Variants in TG observed in about 807,000 individuals in gnomAD.
TG encodes thyroglobulin.
A neutral mutation model predicts 324.7 loss-of-function variants in TG; 270 were observed. The observed-to-expected ratio is 0.83, with a 90% CI of 0.75 to 0.92. The LOEUF (loss-of-function observed/expected upper bound fraction) is 0.92. Among genes scored for constraint, TG ranks in the 40% least tolerant of loss-of-function variants. The pLI, the probability that TG is intolerant of heterozygous loss-of-function variation, is 0.00. For synonymous variants in TG, 1,401 were observed against 1,327.0 expected, an observed-to-expected ratio of 1.06 and a Z score of -1.21; for missense variants, 3,591 against 3,456.4, an observed-to-expected ratio of 1.04 and a Z score of -0.98.
At chr8:132,964,862 A>T in intron 29 of TG, 1 of 700,568 alleles carries the variant, frequency 1.4e-6, no homozygotes, top group Non-Finnish European at 2.6e-6. Flanking sequence ...CAGGAGAAGG[A>T]ATGCTAGCAG....
intron 41 of TG, among the ~76,000 whole-genome samples, chr8:133,057,263 A>G (rs1015638957): frequency 6.6e-6 from 1 of 152,166 alleles, no homozygotes; most frequent in African/African-American, 2.4e-5. Flanking sequence ...TGCTCATTTT[A>G]AGGTGGAAAT....
At position 133,134,844 on chromosome 8, in the gene TG, C is replaced by T. The variant is rs762610512; in HGVS notation, c.*50C>T. 8 of 1,448,716 alleles carry T rather than the reference C, an allele frequency of 5.5e-6. No individual in the cohort carries two copies. Among genetic ancestry groups the T allele is most frequent in the Middle Eastern group, 1.7e-4 (1 of 5,774 alleles). 89.7% of individuals were successfully genotyped at this position (1,448,716 alleles called of 1,614,324 possible). ...CTCACCCGAGGCTGCCCACTATGGT[C>T]ATCTTTTTCTCTAAAATAGCCACTT... On this transcript the variant is annotated 3_prime_UTR_variant, in exon 48 of 48. Coordinates refer to ENST00000220616, the MANE Select transcript of TG (RefSeq NM_003235.5).
At chr8:132,983,763 T>G in intron 35 of TG, 1 of 388,262 alleles carries the variant, frequency 2.6e-6, no homozygotes. Flanking sequence ...AGAATGGTGT[T>G]ATTTATGGCC....
intron 43 of TG, among the ~76,000 whole-genome samples, chr8:133,100,121 T>C (rs1165470166): frequency 6.6e-6 from 1 of 152,246 alleles, no homozygotes; most frequent in Non-Finnish European, 1.5e-5. Flanking sequence ...GGCTCACTGG[T>C]TTATCCCTTT....
At chr8:132,992,512 T>C (rs1176139584) in intron 35 of TG, among the ~76,000 whole-genome samples, 1 of 152,224 alleles carries the variant, frequency 6.6e-6, no homozygotes, top group East Asian at 1.9e-4. Flanking sequence ...AAGAAGACAG[T>C]GCTCCTGGGT....
At chr8:132,885,137 G>T (rs548848987) in intron 8 of TG, among the ~76,000 whole-genome samples, 2 of 150,788 alleles carry the variant, frequency 1.3e-5, no homozygotes, top group Admixed American at 6.6e-5. Flanking sequence ...GTTGGGGGGG[G>T]GGCGTGGTGG....
At position 132,929,119 on chromosome 8, in the gene TG, C is replaced by T. The variant is rs146574874; in HGVS notation, c.4743C>T (p.Phe1581=). The T allele has an allele frequency of 8.9e-5, 143 of 1,614,000 alleles. No homozygotes were observed. Among genetic ancestry groups the T allele is most frequent in the African/African-American group, 5.5e-4 (41 of 74,994 alleles). The change falls in exon 23 of 48, where the codon TTC becomes TTT. Residue 1581 remains phenylalanine, a synonymous_variant. Transcript: ENST00000220616. The stretch of plus-strand genomic sequence containing the variant: ...AGGTTCCAGAATCAAAGGTGATCTT[C>T]GACGCCAATGCTCCTGTGGCTGTCA... The part of the protein sequence containing the change: ...FEKVPESKVI[F]DANAPVAVRS...
At chr8:132,910,830 G>C (rs1471874892) in intron 18 of TG, among the ~76,000 whole-genome samples, 5 of 152,222 alleles carry the variant, frequency 3.3e-5, no homozygotes. Flanking sequence ...GAGAGGTGAA[G>C]CTTGTGTTCA....
chr8:132,998,144 C>T, intron 35 of TG, among the ~76,000 whole-genome samples: 1 of 151,986 alleles, frequency 6.6e-6, no homozygotes, highest in East Asian at 1.9e-4. Flanking sequence ...CAATGGACAC[C>T]CTTCTTCTGT....
At chr8:132,944,703 C>T (rs1402197959) in intron 26 of TG, among the ~76,000 whole-genome samples, 1 of 152,144 alleles carries the variant, frequency 6.6e-6, no homozygotes, top group Non-Finnish European at 1.5e-5. Context: ...CCTCTCAGGT[C>T]CAGAGGGAGA....
At chr8:133,047,269 G>A (rs1839596864) in intron 41 of TG, 1 of 152,580 alleles carries the variant, frequency 6.6e-6, no homozygotes, top group African/African-American at 2.4e-5. Context: ...TAGTGATGAT[G>A]GTGACTGTGT....
intron 37 of TG, among the ~76,000 whole-genome samples, chr8:133,014,575 T>C (rs934898215): frequency 6.6e-6 from 1 of 152,262 alleles, no homozygotes; most frequent in African/African-American, 2.4e-5. Flanking sequence ...TCAGCTGCTA[T>C]TGTAGCATGG....
chr8:132,881,323 G>GT (rs1191291145), intron 5 of TG, among the ~76,000 whole-genome samples: 7 of 151,840 alleles, frequency 4.6e-5, no homozygotes, highest in Admixed American at 6.6e-5. Context: ...ATTGATTTGT[G>GT]TTTTTTTTCA....
chr8:133,017,835 G>A lies in TG; in HGVS notation c.6620G>A (p.Gly2207Asp). ...CCTTCTGTGCCCATTTCCACCCATG[G>A]CCGGCTGCTGGGCAGGTCCCAGGCC... ...SVPSVPISTH[G>D]RLLGRSQAIQ... The change falls in exon 38 of 48, where the codon GGC becomes GAC. Residue 2207 changes from glycine (G) to aspartate (D), a missense_variant. Transcript: ENST00000220616. The A allele has an allele frequency of 6.2e-7, 1 of 1,614,140 alleles. No individual in the cohort carries two copies. The highest frequency in any genetic ancestry group is 8.5e-7 in the Non-Finnish European group (1 of 1,180,036).
At chr8:132,898,034 C>A in intron 12 of TG, 135 bp from the exon 13 acceptor site, 1 of 961,554 alleles carries the variant, frequency 1.0e-6, no homozygotes, top group Non-Finnish European at 1.6e-6. Context: ...CAATGTCCGG[C>A]TGGGGGTCTA....
chr8:133,003,186 G>A, intron 35 of TG: 1 of 235,322 alleles, frequency 4.2e-6, no homozygotes, highest in Non-Finnish European at 7.0e-6. Flanking sequence ...TGATGTCTGG[G>A]AAGGAAGAAA....
At chr8:132,939,045 C>CA (rs36002632) in intron 25 of TG, among the ~76,000 whole-genome samples, 2,273 of 67,410 alleles carry the variant, frequency 0.034, 49 homozygotes, top group Middle Eastern at 0.044. Flanking sequence ...GCAGGAGTCT[C>CA]AAAAAAAAAA....
At chr8:132,993,011 TACC>T (rs1304018671) in intron 35 of TG, among the ~76,000 whole-genome samples, 1 of 152,212 alleles carries the variant, frequency 6.6e-6, no homozygotes, top group East Asian at 1.9e-4. Context: ...AGTAAATATT[TACC>T]GAATGAATGA....
At chr8:132,967,665 A>G (rs1828826711) in intron 30 of TG, 129 bp from the exon 31 acceptor site, 3 of 1,018,458 alleles carry the variant, frequency 2.9e-6, no homozygotes, top group South Asian at 1.4e-5. Context: ...TGATCATGAC[A>G]GTCTCAGGCC....
Sources: gnomAD v4.1 joint callset for allele counts (sites outside exome capture counted in the v4.1 genomes callset) on GRCh38, gnomAD v4.1.1 for gene constraint, MANE v1.5 for transcripts, NCBI Gene and HGNC (gene_info 2026-07-23, HGNC 2026-07-21) for gene names.